The following ALPK1 variants were observed in gnomAD, a reference collection of about 807,000 sequenced individuals.
ALPK1 encodes the protein alpha kinase 1.
In ALPK1, 110 loss-of-function variants were observed where a neutral mutation model predicts 120.6. The observed-to-expected ratio is 0.91, with a 90% CI of 0.78 to 1.07. The LOEUF is 1.07. ALPK1 is among the 50% of genes least tolerant of loss of function. ALPK1 has a pLI of 0.00. For missense variants in ALPK1, 1,498 were observed against 1,483.9 expected (o/e 1.01, Z -0.16); for synonymous variants, 582 against 560.3 (o/e 1.04, Z -0.55).
intron 4 of ALPK1, among the ~76,000 whole-genome samples, chr4:112,387,249 G>T (rs949277324): frequency 2.0e-5 from 3 of 152,168 alleles, no homozygotes; most frequent in Admixed American, 2.0e-4. Context: ...AATGTCTAGT[G>T]AATTAAAATA....
At chr4:112,327,152 G>A (rs1729151559) in intron 2 of ALPK1, among the ~76,000 whole-genome samples, 1 of 152,230 alleles carries the variant, frequency 6.6e-6, no homozygotes, top group Admixed American at 6.5e-5. Flanking sequence ...TTCAGAGACA[G>A]TGTGGTGAAT....
At chr4:112,299,881 C>G (rs780277115) in intron 1 of ALPK1, among the ~76,000 whole-genome samples, 8 of 152,142 alleles carry the variant, frequency 5.3e-5, no homozygotes, top group Non-Finnish European at 8.8e-5. Flanking sequence ...AGCTTGAATA[C>G]TACAGGTTCA....
chr4:112,299,469 G>T (rs1231030323), intron 1 of ALPK1, among the ~76,000 whole-genome samples: 2 of 152,150 alleles, frequency 1.3e-5, no homozygotes, highest in African/African-American at 2.4e-5. Flanking sequence ...TGTTAAGTAA[G>T]AAGTTGAGCT....
chr4:112,356,130 C>G (rs1730600618), intron 2 of ALPK1: 1 of 1,576,066 alleles, frequency 6.3e-7, no homozygotes, highest in Non-Finnish European at 8.7e-7. Flanking sequence ...TGAGAACAGG[C>G]TGATATGCCC....
intron 2 of ALPK1, chr4:112,358,131 A>G: frequency 1.6e-6 from 1 of 607,494 alleles, no homozygotes; most frequent in South Asian, 1.4e-5. Context: ...GCTGGGGGCC[A>G]GTTCCTCTCT....
intron 1 of ALPK1, among the ~76,000 whole-genome samples, chr4:112,299,418 T>C (rs1297475323): frequency 6.6e-6 from 1 of 152,170 alleles, no homozygotes; most frequent in Non-Finnish European, 1.5e-5. Flanking sequence ...ATAATTTGCT[T>C]ATAAAACCTA....
chr4:112,339,080 C>T (rs1488654879), intron 2 of ALPK1, among the ~76,000 whole-genome samples: 2 of 152,148 alleles, frequency 1.3e-5, no homozygotes, highest in Non-Finnish European at 2.9e-5. Flanking sequence ...TGAAATTACC[C>T]ACAATGAGAG....
At chr4:112,379,104 A>G (rs1731790557) in intron 3 of ALPK1, among the ~76,000 whole-genome samples, 1 of 152,066 alleles carries the variant, frequency 6.6e-6, no homozygotes, top group Non-Finnish European at 1.5e-5. Context: ...TGTTGTTTCC[A>G]CTGAAGTTTT....
At position 112,302,736 on chromosome 4, in the gene ALPK1, G is replaced by GCAAACAAACAAA. The variant is rs74913108; in HGVS notation, c.-153+5277_-153+5288dup. Among the ~76,000 whole-genome samples, 146 of 150,882 alleles carry GCAAACAAACAAA rather than the reference G, an allele frequency of 9.7e-4. 3 individuals are homozygous for GCAAACAAACAAA. In the East Asian group the frequency reaches 0.014, roughly 15 times the overall value. On this transcript the variant is annotated intron_variant, in intron 1 of 15. Transcript: ENST00000650871. ...AGTGTGAGTATCCTGAAAAAAGCAA[G>GCAAACAAACAAA]CAAACAAACAAACAAACAAACCCCT...
chr4:112,401,683 G>C (rs1318562843), intron 4 of ALPK1, among the ~76,000 whole-genome samples: 2 of 152,078 alleles, frequency 1.3e-5, no homozygotes, highest in Non-Finnish European at 2.9e-5. Flanking sequence ...TAGCTCCCAG[G>C]GCCATGAGAT....
intron 1 of ALPK1, among the ~76,000 whole-genome samples, chr4:112,306,674 AT>A (rs1176594803): frequency 6.6e-6 from 1 of 151,730 alleles, no homozygotes; most frequent in Admixed American, 6.6e-5. Context: ...TGGTCTATCA[AT>A]TTTGTTGATC....
chr4:112,421,859 A>C (rs1182015193), intron 5 of ALPK1, among the ~76,000 whole-genome samples: 1 of 152,178 alleles, frequency 6.6e-6, no homozygotes, highest in Non-Finnish European at 1.5e-5. Context: ...AGACCTTAGC[A>C]ACTTTGGCAT....
At chr4:112,410,075 A>G (rs1733382255) in intron 4 of ALPK1, among the ~76,000 whole-genome samples, 1 of 152,228 alleles carries the variant, frequency 6.6e-6, no homozygotes, top group South Asian at 2.1e-4. Flanking sequence ...GTAACCAATT[A>G]TGCATATGGT....
intron 2 of ALPK1, among the ~76,000 whole-genome samples, chr4:112,376,330 A>C (rs948450886): frequency 2.6e-5 from 4 of 152,216 alleles, no homozygotes; most frequent in African/African-American, 4.8e-5. Context: ...AGTATTTTAA[A>C]TGAAACAAGC....
chr4:112,307,860 T>C (rs1728181247), intron 1 of ALPK1, among the ~76,000 whole-genome samples: 2 of 152,150 alleles, frequency 1.3e-5, no homozygotes, highest in Admixed American at 1.3e-4. Context: ...CTTTACAATT[T>C]GGCATGTTTT....
chr4:112,429,064 G>C (rs181383075), intron 9 of ALPK1, 85 bp from the exon 10 acceptor site: 14 of 1,270,986 alleles, frequency 1.1e-5, no homozygotes, highest in Non-Finnish European at 1.4e-5. Context: ...AATCATGAAA[G>C]AAAAGCAAAA....
At position 112,432,544 on chromosome 4, in the gene ALPK1, G is replaced by T. The variant is rs749293535; in HGVS notation, c.2997G>T (p.Thr999=). 8 of 1,613,804 alleles carry T rather than the reference G, an allele frequency of 5.0e-6. No homozygotes were observed. The South Asian group carries it at 6.6e-5, about 13-fold the overall frequency. Residue 999 remains threonine (T), a synonymous_variant, in exon 11 of 16, where the codon ACG becomes ACT. Coordinates refer to ENST00000650871, the MANE Select transcript of ALPK1 (RefSeq NM_025144.4). ...HDWLFQRLEN[T]GVFKPSQLHR... Reference sequence around the variant, plus strand: ...GGCTGTTTCAGAGACTAGAGAATACGGGGGTTTTTAAGCCCAGTCAACTCC... The same window carrying T: ...GGCTGTTTCAGAGACTAGAGAATACTGGGGTTTTTAAGCCCAGTCAACTCC...
chr4:112,336,187 G>A (rs1433420084), intron 2 of ALPK1, among the ~76,000 whole-genome samples: 1 of 152,192 alleles, frequency 6.6e-6, no homozygotes, highest in Non-Finnish European at 1.5e-5. Context: ...GAATCAAAGT[G>A]TAGGTTTTCA....
At chr4:112,340,666 T>A (rs1474254873) in intron 2 of ALPK1, among the ~76,000 whole-genome samples, 1 of 152,230 alleles carries the variant, frequency 6.6e-6, no homozygotes. Context: ...TGAAAATTTC[T>A]TATTTGTGAT....
Sources: allele counts gnomAD v4.1 joint callset (sites outside exome capture counted in the v4.1 genomes callset), GRCh38; gene constraint gnomAD v4.1.1; transcripts MANE v1.5; gene names NCBI Gene and HGNC (gene_info 2026-07-23, HGNC 2026-07-21).